CACNA2D4: variants seen among roughly 807,000 people sequenced by gnomAD.
CACNA2D4 encodes voltage-dependent calcium channel subunit alpha-2/delta-4.
A neutral mutation model predicts 163.8 loss-of-function variants in CACNA2D4; 157 were observed. The ratio of observed to expected loss-of-function variants is 0.96; its 90% CI spans 0.84 to 1.09. CACNA2D4 has a LOEUF of 1.09. Among genes scored for constraint, CACNA2D4 ranks in the 50% least tolerant of loss-of-function variants. CACNA2D4 has a pLI of 0.00. For missense variants in CACNA2D4, 1,410 were observed against 1,479.9 expected (o/e 0.95, Z 0.78); for synonymous variants, 598 against 586.9 (o/e 1.02, Z -0.27).
chr12:1,881,536 GCT>G (rs1865998855), intron 13 of CACNA2D4, among the ~76,000 whole-genome samples: 1 of 152,262 alleles, frequency 6.6e-6, no homozygotes, highest in South Asian at 2.1e-4. Context: ...GGCCCCTCCT[GCT>G]GGGCTGGCTA....
At chr12:1,845,836 A>C (rs189521005) in intron 24 of CACNA2D4, among the ~76,000 whole-genome samples, 101 of 152,320 alleles carry the variant, frequency 6.6e-4, no homozygotes, top group African/African-American at 2.2e-3. Context: ...TGCCCTGTGC[A>C]TCATGGGATG....
Position 1,834,898 on chromosome 12 carries a change from A to G in CACNA2D4, c.2551+5841T>C, listed in dbSNP as rs181392888. On this transcript the variant is annotated intron_variant, in intron 26 of 37. Transcript: ENST00000382722. This position sits in a 1 kb window ranked among gnomAD's most constrained non-coding sequence, Gnocchi z 7.6. ...CCCTGCACTTTCGAGGCTCCCTGAA[A>G]GCCACCGTGCTGGGGGCTCCTGCTG... The G allele has an allele frequency of 2.6e-4, 326 of 1,259,616 alleles. 2 individuals are homozygous for G. The East Asian group carries it at 7.9e-3, about 31-fold the overall frequency. The allele number at this position is 1,259,616 out of a possible 1,614,324, so 78.0% of individuals were successfully genotyped here.
rs1416552884 is a variant in CACNA2D4, at chr12:1,878,450, G to T, written c.1645-61C>A. On this transcript the variant is annotated intron_variant, in intron 15 of 37. Coordinates refer to ENST00000382722, the MANE Select transcript of CACNA2D4 (RefSeq NM_172364.5). The surrounding 1 kb of genome is among the most constrained non-coding windows in gnomAD (Gnocchi z 4.6). ...CTGTTTGTGCTGGGCATCTGGAGTTGGGCAGGGGTTTGGGGGCCACAGGAC... is the reference window on the plus strand; with the variant it reads ...CTGTTTGTGCTGGGCATCTGGAGTTTGGCAGGGGTTTGGGGGCCACAGGAC... 3 of 1,556,210 alleles carry T rather than the reference G, an allele frequency of 1.9e-6. No individual in the cohort carries two copies. The highest frequency in any genetic ancestry group is 2.4e-5 in the East Asian group (1 of 41,340).
intron 26 of CACNA2D4, among the ~76,000 whole-genome samples, chr12:1,824,879 T>G (rs1248023479): frequency 2.0e-5 from 3 of 152,176 alleles, no homozygotes; most frequent in Non-Finnish European, 4.4e-5. Context: ...CACATATGAC[T>G]GGTGTTCCCT....
intron 23 of CACNA2D4, among the ~76,000 whole-genome samples, chr12:1,849,873 AT>A (rs1401560477): frequency 6.6e-6 from 1 of 152,206 alleles, no homozygotes; most frequent in African/African-American, 2.4e-5. Context: ...ATTACTGAAG[AT>A]GATTTCATAG....
chr12:1,886,877 G>C, intron 7 of CACNA2D4, 132 bp downstream of exon 7: 1 of 635,886 alleles, frequency 1.6e-6, no homozygotes, highest in South Asian at 1.9e-5. Context: ...CTTGTGTCGG[G>C]CTAGGGTTCT....
At position 1,844,500 on chromosome 12, in the gene CACNA2D4, C is replaced by T. The variant is rs2154447836; in HGVS notation, c.2372G>A (p.Ser791Asn). The change falls in exon 25 of 38, where the codon AGC (serine) becomes AAC (asparagine). Residue 791 changes from serine to asparagine, a missense_variant. Transcript: ENST00000382722. This position sits in a 1 kb window ranked among gnomAD's most constrained non-coding sequence, Gnocchi z 4.2. ...CGGGAAGCGGTCCAGGGTGAACACG[C>T]TGGCCTCGTCCTCAGGTGTCAGGAA... ...RKFLTPEDEA[S>N]VFTLDRFPLW... The T allele has an allele frequency of 6.2e-7, 1 of 1,613,384 alleles. No homozygotes were observed. Among genetic ancestry groups the T allele is most frequent in the Non-Finnish European group, 8.5e-7 (1 of 1,179,736 alleles).
chr12:1,909,304 G>A (rs1015742082), intron 4 of CACNA2D4, among the ~76,000 whole-genome samples: 1 of 152,230 alleles, frequency 6.6e-6, no homozygotes, highest in Non-Finnish European at 1.5e-5. Context: ...CCATTCTCCT[G>A]CCTCAGCCTC....
intron 18 of CACNA2D4, 44 bp from the exon 19 acceptor site, chr12:1,860,250 GGCCCCCA>G: frequency 6.5e-7 from 1 of 1,529,356 alleles, no homozygotes; most frequent in Non-Finnish European, 9.0e-7. Flanking sequence ...AGAGAAGAGC[GGCCCCCA>G]GCCCCCACCT....
rs114986036 is a variant in CACNA2D4 at position 1,807,030 on chromosome 12, C to T, written c.2721+3248G>A. Among the ~76,000 whole-genome samples, 884 of 152,068 alleles carry T rather than the reference C, an allele frequency of 5.8e-3. 8 individuals are homozygous for T. The highest frequency in any genetic ancestry group is 0.02 in the African/African-American group (845 of 41,470). On this transcript the variant is annotated intron_variant, in intron 29 of 37. Transcript: ENST00000382722. Reference sequence around the variant, plus strand: ...ATCCCGGCCTCCTGGGAGTCCTGCCCTTGTGTAAGCCCCTCCTCTTGAGTA... The same window carrying T: ...ATCCCGGCCTCCTGGGAGTCCTGCCTTTGTGTAAGCCCCTCCTCTTGAGTA...
intron 24 of CACNA2D4, among the ~76,000 whole-genome samples, chr12:1,845,407 G>A (rs1254158380): frequency 1.3e-5 from 2 of 151,790 alleles, no homozygotes; most frequent in African/African-American, 4.8e-5. Context: ...AGGGGAGGGA[G>A]GAGGGAGGGA....
intron 22 of CACNA2D4, among the ~76,000 whole-genome samples, chr12:1,855,650 C>T (rs1246713712): frequency 6.6e-6 from 1 of 152,198 alleles, no homozygotes; most frequent in Non-Finnish European, 1.5e-5. Context: ...GAGTGGCAGC[C>T]ATTTGCCCAG....
rs770769137 is a variant in CACNA2D4 at position 1,878,277 on chromosome 12, A to G, written c.1719+38T>C. 8.2e-7 allele frequency: 1 copy of G among 1,219,310 alleles called. No individual in the cohort carries two copies. The highest frequency in any genetic ancestry group is 2.1e-4 in the Middle Eastern group (1 of 4,772). The allele number at this position is 1,219,310 out of a possible 1,614,324, so 75.5% of individuals were successfully genotyped here. ...TTTGTGAATTACCCCCAAATCCCAT[A>G]CAGTAAGGATCCCAAGGCAAAGAAG... On this transcript the variant is annotated intron_variant, in intron 16 of 37. Coordinates refer to ENST00000382722, the MANE Select transcript of CACNA2D4 (RefSeq NM_172364.5). This position sits in a 1 kb window ranked among gnomAD's most constrained non-coding sequence, Gnocchi z 4.6.
chr12:1,812,469 C>T (rs951444977), intron 26 of CACNA2D4, among the ~76,000 whole-genome samples: 1 of 152,096 alleles, frequency 6.6e-6, no homozygotes, highest in Non-Finnish European at 1.5e-5. Context: ...AAACTTGGGG[C>T]CAATGAATAG....
Position 1,918,565 on chromosome 12 carries a change from C to T in CACNA2D4, c.-92G>A. 4 of 982,462 alleles carry T rather than the reference C, an allele frequency of 4.1e-6. No individual in the cohort carries two copies. Among genetic ancestry groups the T allele is most frequent in the Non-Finnish European group, 6.1e-6 (4 of 657,648 alleles). The allele number at this position is 982,462 out of a possible 1,614,324, so 60.9% of individuals were successfully genotyped here. The stretch of plus-strand genomic sequence containing the variant: ...GCCTGGGGTCTCCAGCCTCTCAGTC[C>T]TGGGTGGGGAGGGCTTCTCTCTGCC... On this transcript the variant is annotated 5_prime_UTR_variant, in exon 1 of 38. Coordinates refer to ENST00000382722, the MANE Select transcript of CACNA2D4 (RefSeq NM_172364.5).
chr12:1,893,115 T>C (rs945514472), intron 6 of CACNA2D4, among the ~76,000 whole-genome samples: 2 of 152,312 alleles, frequency 1.3e-5, no homozygotes, highest in East Asian at 1.9e-4. Flanking sequence ...AAAAAATGGA[T>C]TTAAACTGCA....
chr12:1,818,640 C>T (rs1863968306), intron 26 of CACNA2D4, among the ~76,000 whole-genome samples: 1 of 151,266 alleles, frequency 6.6e-6, no homozygotes, highest in African/African-American at 2.5e-5. Flanking sequence ...CTGCGGAAGG[C>T]CGCAGGGTCC....
In CACNA2D4 at chr12:1,854,995, C is replaced by T. The variant is rs1357890207; in HGVS notation, c.2153-951G>A. On this transcript the variant is annotated intron_variant, in intron 22 of 37. Coordinates refer to ENST00000382722, the MANE Select transcript of CACNA2D4 (RefSeq NM_172364.5). ...TTTTTATCACCCCCCAAAGGAGATC[C>T]TCCTCACCTTGGTGAGGAGGTGTCA... 3.3e-5 allele frequency among the ~76,000 whole-genome samples: 5 copies of T among 152,178 alleles called. 1 individual carries two copies. The highest frequency in any genetic ancestry group is 4.8e-5 in the African/African-American group (2 of 41,442).
In CACNA2D4 at chr12:1,802,281, C is replaced by T. The variant is rs1321408346; in HGVS notation, c.2722-637G>A. Among the ~76,000 whole-genome samples the T allele has an allele frequency of 6.6e-6, 1 of 152,154 alleles. No individual in the cohort carries two copies. The highest frequency in any genetic ancestry group is 1.5e-5 in the Non-Finnish European group (1 of 68,024). On this transcript the variant is annotated intron_variant, in intron 29 of 37. Transcript: ENST00000382722. The surrounding 1 kb of genome is among the most constrained non-coding windows in gnomAD (Gnocchi z 4.7). ...GCCCTGTCTCCATTGCCCACCTGCC[C>T]TCCTAACTGACCTCTCCTCTTGTCC...
Sources: allele counts gnomAD v4.1 joint callset (sites outside exome capture counted in the v4.1 genomes callset), GRCh38; gene constraint gnomAD v4.1.1; non-coding constraint Gnocchi (gnomAD v3.1); transcripts MANE v1.5; gene names NCBI Gene and HGNC (gene_info 2026-07-23, HGNC 2026-07-21).